Variants in TRHDE observed in about 807,000 individuals in gnomAD.
TRHDE encodes the protein thyrotropin releasing hormone degrading enzyme, also known as thyrotropin-releasing hormone-degrading ectoenzyme.
Under a neutral mutation model 125.7 loss-of-function variants are expected in TRHDE, and 72 were observed. The ratio of observed to expected loss-of-function variants is 0.57; its 90% CI spans 0.47 to 0.70. TRHDE has a LOEUF of 0.70. Ranked by LOEUF, TRHDE falls within the 30% of genes least tolerant of loss-of-function variation. The pLI is 0.00. For synonymous variants in TRHDE, 509 were observed against 509.1 expected, an observed-to-expected ratio of 1.00 and a Z score of 0.00; for missense variants, 1,110 against 1,327.1, an observed-to-expected ratio of 0.84 and a Z score of 2.54.
chr12:72,631,941 C>T (rs1235433441), intron 15 of TRHDE, among the ~76,000 whole-genome samples: 1 of 151,934 alleles, frequency 6.6e-6, no homozygotes, highest in African/African-American at 2.4e-5. Context: ...ACCACATTTG[C>T]ACTGATTCCT....
At chr12:72,384,981 CT>C (rs1872348961) in intron 3 of TRHDE, among the ~76,000 whole-genome samples, 1 of 152,030 alleles carries the variant, frequency 6.6e-6, no homozygotes, top group African/African-American at 2.4e-5. Flanking sequence ...TGAGGTGACA[CT>C]TATGTAATAC....
chr12:72,407,182 G>C (rs1873303160), intron 3 of TRHDE, among the ~76,000 whole-genome samples: 2 of 152,176 alleles, frequency 1.3e-5, no homozygotes, highest in Non-Finnish European at 2.9e-5. Flanking sequence ...GATGGGGAAG[G>C]CTTCAGTGAG....
At chr12:72,381,630 TC>T (rs1321937315) in intron 3 of TRHDE, among the ~76,000 whole-genome samples, 4 of 152,014 alleles carry the variant, frequency 2.6e-5, no homozygotes, top group Non-Finnish European at 5.9e-5. Flanking sequence ...TCTCCTGACC[TC>T]GTGATCCGCC....
intron 2 of TRHDE, among the ~76,000 whole-genome samples, chr12:72,157,496 G>A (rs1876544194): frequency 6.6e-6 from 1 of 152,152 alleles, no homozygotes; most frequent in Non-Finnish European, 1.5e-5. Context: ...TAGCAGAAGT[G>A]GTGAAACACT....
At chr12:72,141,025 T>A (rs951815888) in intron 2 of TRHDE, among the ~76,000 whole-genome samples, 1 of 152,140 alleles carries the variant, frequency 6.6e-6, no homozygotes, top group East Asian at 1.9e-4. Flanking sequence ...GGATGCCAAG[T>A]TAAATTCAGA....
intron 2 of TRHDE, among the ~76,000 whole-genome samples, chr12:72,358,367 A>C (rs998441064): frequency 6.6e-6 from 1 of 151,642 alleles, no homozygotes; most frequent in African/African-American, 2.4e-5. Context: ...ATCCACTGCC[A>C]CTAAATAAAT....
chr12:72,621,389 A>G, intron 14 of TRHDE, 184 bp downstream of exon 14: 1 of 588,432 alleles, frequency 1.7e-6, no homozygotes, highest in Non-Finnish European at 3.0e-6. Flanking sequence ...GAGAACAAAG[A>G]CGTTTCCTTG....
chr12:72,506,048 C>T (rs1337438062), intron 6 of TRHDE, among the ~76,000 whole-genome samples: 1 of 152,198 alleles, frequency 6.6e-6, no homozygotes, highest in Non-Finnish European at 1.5e-5. Flanking sequence ...CCTGTAATCC[C>T]AGCACTTTGA....
At chr12:72,555,823 T>G (rs1869894845) in intron 7 of TRHDE, among the ~76,000 whole-genome samples, 1 of 152,200 alleles carries the variant, frequency 6.6e-6, no homozygotes, top group Non-Finnish European at 1.5e-5. Flanking sequence ...ACTTTTGTTG[T>G]TGTTTATGGA....
At chr12:72,476,901 C>G (rs1282363880) in intron 5 of TRHDE, among the ~76,000 whole-genome samples, 1 of 152,088 alleles carries the variant, frequency 6.6e-6, no homozygotes, top group African/African-American at 2.4e-5. Flanking sequence ...TTAAGGAATA[C>G]TACATATGAT....
At chr12:72,302,270 GCA>G (rs1308487426) in intron 2 of TRHDE, among the ~76,000 whole-genome samples, 4 of 142,002 alleles carry the variant, frequency 2.8e-5, no homozygotes, top group African/African-American at 1.0e-4. Context: ...GTGTGTGTGT[GCA>G]TGTGTGTTTA....
chr12:72,308,472 T>G (rs1868392450), intron 2 of TRHDE, among the ~76,000 whole-genome samples: 1 of 152,122 alleles, frequency 6.6e-6, no homozygotes, highest in African/African-American at 2.4e-5. Flanking sequence ...AAATAAGTAA[T>G]CTAATCTAAC....
intron 1 of TRHDE, among the ~76,000 whole-genome samples, chr12:72,277,346 A>C (rs1005264610): frequency 6.6e-6 from 1 of 152,198 alleles, no homozygotes; most frequent in African/African-American, 2.4e-5. Flanking sequence ...ACTCAGAATG[A>C]ATTAATACTC....
At chr12:72,093,175 C>T (rs1874832240) in intron 1 of TRHDE, among the ~76,000 whole-genome samples, 1 of 152,212 alleles carries the variant, frequency 6.6e-6, no homozygotes, top group African/African-American at 2.4e-5. Flanking sequence ...TGGAAGGTTT[C>T]TGCTGAGAAG....
chr12:72,636,172 A>G (rs1453605140), intron 15 of TRHDE, among the ~76,000 whole-genome samples: 1 of 152,010 alleles, frequency 6.6e-6, no homozygotes, highest in Non-Finnish European at 1.5e-5. Context: ...ATCCTCTTTT[A>G]TTTCATTGAG....
chr12:72,104,747 C>A (rs1370963413), intron 1 of TRHDE, among the ~76,000 whole-genome samples: 1 of 152,166 alleles, frequency 6.6e-6, no homozygotes, highest in Non-Finnish European at 1.5e-5. Context: ...ATCCATGCCA[C>A]ACTATTAACA....
intron 2 of TRHDE, among the ~76,000 whole-genome samples, chr12:72,192,395 T>A (rs1877358571): frequency 6.6e-6 from 1 of 152,056 alleles, no homozygotes; most frequent in Admixed American, 6.6e-5. Flanking sequence ...GCAACAATAA[T>A]TTGATTGATT....
chr12:72,235,950 A>C (rs1878331166), intron 2 of TRHDE, among the ~76,000 whole-genome samples: 1 of 152,176 alleles, frequency 6.6e-6, no homozygotes, highest in African/African-American at 2.4e-5. Context: ...GCAGATTATG[A>C]GTCTTTTGAG....
intron 3 of TRHDE, among the ~76,000 whole-genome samples, chr12:72,453,295 A>G (rs1307954807): frequency 6.6e-6 from 1 of 152,180 alleles, no homozygotes; most frequent in African/African-American, 2.4e-5. Flanking sequence ...ACTTGGTTGG[A>G]TTGTGTAAAT....
Sources: gnomAD v4.1 joint callset for allele counts (sites outside exome capture counted in the v4.1 genomes callset) on GRCh38, gnomAD v4.1.1 for gene constraint, MANE v1.5 for transcripts, NCBI Gene and HGNC (gene_info 2026-07-23, HGNC 2026-07-21) for gene names.